The following BLK variants were observed in gnomAD, a reference collection of about 807,000 sequenced individuals.
BLK encodes BLK proto-oncogene, Src family tyrosine kinase.
A neutral mutation model predicts 61.8 loss-of-function variants in BLK; 64 were observed. The observed-to-expected ratio is 1.03, with a 90% CI of 0.85 to 1.27. The LOEUF (loss-of-function observed/expected upper bound fraction) is 1.27, where lower values mean the gene tolerates loss of function less well. BLK is among the 50% of genes most tolerant of loss of function. The probability of loss-of-function intolerance (pLI) is 0.00; values close to 1 mark genes in which losing one functional copy is unlikely to be tolerated. For missense variants in BLK, 853 were observed against 660.5 expected, an observed-to-expected ratio of 1.29 and a Z score of -3.19; for synonymous variants, 351 against 272.0, an observed-to-expected ratio of 1.29 and a Z score of -2.86.
chr8:11,511,856 G>C (rs2117289676), intron 1 of BLK, among the ~76,000 whole-genome samples: 1 of 152,344 alleles, frequency 6.6e-6, no homozygotes, highest in African/African-American at 2.4e-5. Flanking sequence ...CACTGGTTGG[G>C]AGTATGAATG....
At position 11,556,791 on chromosome 8, in the gene BLK, G is replaced by C. The variant is rs749958320; in HGVS notation, c.906G>C (p.Val302=). ...QHERLVRLYA[V]VTKEPIYIVT... ...AGCGGCTGGTCCGACTCTACGCAGT[G>C]GTCACCAAGGAGCCCATCTACATTG... Residue 302 remains valine, a synonymous_variant, in exon 9 of 13, where the codon GTG becomes GTC. Coordinates refer to ENST00000259089, the MANE Select transcript of BLK (RefSeq NM_001715.3). 6.2e-7 allele frequency: 1 copy of C among 1,614,218 alleles called. No individual in the cohort carries two copies.
Position 11,561,262 on chromosome 8 carries a change from G to T in BLK, c.1030-40G>T, listed in dbSNP as rs374531191. 67 of 1,600,720 alleles carry T rather than the reference G, an allele frequency of 4.2e-5. No individual in the cohort carries two copies. The Admixed American group carries it at 4.8e-4, about 11-fold the overall frequency. On this transcript the variant is annotated intron_variant, in intron 10 of 12. Coordinates refer to ENST00000259089, the MANE Select transcript of BLK (RefSeq NM_001715.3). The stretch of plus-strand genomic sequence containing the variant: ...AGTGTGGGCTCGGTCTTGGCGTGGA[G>T]GCCCCCAGGCTGTCCTTCACCATGT...
chr8:11,518,364 C>G (rs968631146), intron 1 of BLK, among the ~76,000 whole-genome samples: 1 of 152,142 alleles, frequency 6.6e-6, no homozygotes, highest in Non-Finnish European at 1.5e-5. Context: ...TAGAAAACTT[C>G]CCTGTAGATG....
chr8:11,514,798 A>G (rs1799158232), intron 1 of BLK, among the ~76,000 whole-genome samples: 1 of 152,202 alleles, frequency 6.6e-6, no homozygotes, highest in African/African-American at 2.4e-5. Flanking sequence ...GAGGTAAAAA[A>G]TACAGATTCC....
chr8:11,564,016 CG>C lies in BLK; in HGVS notation c.1428del (p.Glu478ArgfsTer106). On this transcript the variant is annotated frameshift_variant, in exon 13 of 13. Transcript: ENST00000259089. LOFTEE classifies it high-confidence loss of function. Reference protein sequence around the residue: ...RGVIAECWRSRPEERPTFEFL... With the variant: ...RGVIAECWRSXPEERPTFEFL... ...CGTCATCGCCGAGTGCTGGCGCAGC[CG>C]GCCCGAGGAGCGGCCCACCTTCGAG... The C allele has an allele frequency of 6.2e-7, 1 of 1,605,106 alleles. No homozygotes were observed. The highest frequency in any genetic ancestry group is 8.5e-7 in the Non-Finnish European group (1 of 1,179,022).
intron 1 of BLK, among the ~76,000 whole-genome samples, chr8:11,525,115 G>A (rs2409783): frequency 0.015 from 2,289 of 152,278 alleles, 58 homozygotes; most frequent in African/African-American, 0.052. Context: ...CATGGATTGA[G>A]CACTGAAAGA....
chr8:11,562,838 C>A, intron 11 of BLK, 141 bp from the exon 12 acceptor site: 1 of 1,129,080 alleles, frequency 8.9e-7, no homozygotes, highest in South Asian at 1.4e-5. Context: ...GTGGCTCCCC[C>A]GCCATGCCTG....
At chr8:11,543,882 G>GA (rs1364902861) in intron 2 of BLK, among the ~76,000 whole-genome samples, 1 of 152,166 alleles carries the variant, frequency 6.6e-6, no homozygotes, top group African/African-American at 2.4e-5. Flanking sequence ...TATTGCTGGG[G>GA]AATGCATTTT....
chr8:11,504,932 A>C (rs1301839999), intron 1 of BLK, among the ~76,000 whole-genome samples: 1 of 152,248 alleles, frequency 6.6e-6, no homozygotes, highest in Non-Finnish European at 1.5e-5. Context: ...GAGCATATGT[A>C]CACACAAACA....
In BLK at chr8:11,564,066, C is replaced by T; in HGVS notation, c.1476C>T (p.Asp492=). Residue 492 remains aspartate (D), a synonymous_variant, in exon 13 of 13, where the codon GAC becomes GAT. Coordinates refer to ENST00000259089, the MANE Select transcript of BLK (RefSeq NM_001715.3). The stretch of plus-strand genomic sequence containing the variant: ...AGTTCCTGCAGTCGGTGCTGGAGGA[C>T]TTCTACACGGCCACCGAGCGGCAGT... ...TFEFLQSVLE[D]FYTATERQYE... 2 of 1,598,474 alleles carry T rather than the reference C, an allele frequency of 1.3e-6. No homozygotes were observed. The highest frequency in any genetic ancestry group is 1.1e-5 in the South Asian group (1 of 90,006).
chr8:11,502,973 C>T lies in BLK; in HGVS notation c.-2+8382C>T, dbSNP rs565610090. On this transcript the variant is annotated intron_variant, in intron 1 of 12. Transcript: ENST00000259089. ...ACTGTGGGGTTCGCAAGTCCCCACT[C>T]GCAAAACGGCTACTGTTTTCCACAA... Among the ~76,000 whole-genome samples, 11 of 152,288 alleles carry T rather than the reference C, an allele frequency of 7.2e-5. No homozygotes were observed. In the South Asian group the frequency reaches 1.5e-3, roughly 20 times the overall value.
At chr8:11,551,740 C>G (rs1404661725) in intron 6 of BLK, among the ~76,000 whole-genome samples, 1 of 152,092 alleles carries the variant, frequency 6.6e-6, no homozygotes, top group Non-Finnish European at 1.5e-5. Flanking sequence ...TATTATGGTC[C>G]CTGGTGCTCA....
intron 1 of BLK, among the ~76,000 whole-genome samples, chr8:11,539,365 A>G (rs2248325): frequency 0.41 from 62,378 of 152,036 alleles, 13,804 homozygotes; most frequent in Non-Finnish European, 0.5. Flanking sequence ...TAGTAGTTGT[A>G]TGAGAGATTT....
At chr8:11,545,867 C>T in intron 2 of BLK, 185 bp from the exon 3 acceptor site, 1 of 711,324 alleles carries the variant, frequency 1.4e-6, no homozygotes, top group East Asian at 2.6e-5. Context: ...GGGCGGGGGT[C>T]TGTCTGAGGG....
At chr8:11,562,906 G>A (rs183635816) in intron 11 of BLK, 73 bp from the exon 12 acceptor site, 4 of 1,602,384 alleles carry the variant, frequency 2.5e-6, no homozygotes, top group African/African-American at 2.7e-5. Flanking sequence ...AGCAGGAGCA[G>A]GGGTAGGGGT....
At chr8:11,561,272 C>T (rs775438519) in intron 10 of BLK, 30 bp from the exon 11 acceptor site, 2 of 1,606,992 alleles carry the variant, frequency 1.2e-6, no homozygotes, top group Non-Finnish European at 1.7e-6. Context: ...GGCCCCCAGG[C>T]TGTCCTTCAC....
At position 11,557,969 on chromosome 8, in the gene BLK, G is replaced by A; in HGVS notation, c.960G>A (p.Leu320=). Reference sequence around the variant, plus strand: ...CAACTTCTCTTTTCTTAGGATGCCTGCTGGATTTCCTGAAGACAGATGAAG... The same window carrying A: ...CAACTTCTCTTTTCTTAGGATGCCTACTGGATTTCCTGAAGACAGATGAAG... ...IVTEYMARGC[L]LDFLKTDEGS... Residue 320 remains leucine (L), a synonymous_variant, in exon 10 of 13, where the codon CTG becomes CTA. Transcript: ENST00000259089. The A allele has an allele frequency of 1.9e-6, 3 of 1,613,948 alleles. No homozygotes were observed. Among genetic ancestry groups the A allele is most frequent in the South Asian group, 2.2e-5 (2 of 91,068 alleles).
intron 10 of BLK, 116 bp from the exon 11 acceptor site, chr8:11,561,186 C>T: frequency 2.8e-6 from 4 of 1,427,172 alleles, no homozygotes; most frequent in Non-Finnish European, 3.9e-6. Flanking sequence ...TCTACTCCAT[C>T]CAAGAAACAG....
chr8:11,554,698 G>A (rs774990563), intron 6 of BLK, 45 bp from the exon 7 acceptor site: 1 of 1,604,830 alleles, frequency 6.2e-7, no homozygotes, highest in South Asian at 1.1e-5. Flanking sequence ...CCCGTTTTTT[G>A]TCTTTGTGCC....
Sources: gnomAD v4.1 joint callset for allele counts (sites outside exome capture counted in the v4.1 genomes callset) on GRCh38, gnomAD v4.1.1 for gene constraint, MANE v1.5 for transcripts, NCBI Gene and HGNC (gene_info 2026-07-23, HGNC 2026-07-21) for gene names.